ZMAT4: variants seen among roughly 807,000 people sequenced by gnomAD.
ZMAT4 encodes zinc finger matrin-type protein 4.
A neutral mutation model predicts 28.7 loss-of-function variants in ZMAT4; 17 were observed. That is an observed-to-expected ratio of 0.59 (90% confidence interval 0.41 to 0.89). ZMAT4 has a LOEUF of 0.89. Among genes scored for constraint, ZMAT4 ranks in the 40% least tolerant of loss-of-function variants. The pLI, the probability that ZMAT4 is intolerant of heterozygous loss-of-function variation, is 0.00. For synonymous variants in ZMAT4, 117 were observed against 109.2 expected (o/e 1.07, Z -0.44); for missense variants, 240 against 283.8 (o/e 0.85, Z 1.11).
At chr8:40,683,136 G>C (rs1030115881) in intron 4 of ZMAT4, among the ~76,000 whole-genome samples, 10 of 152,126 alleles carry the variant, frequency 6.6e-5, no homozygotes, top group African/African-American at 2.4e-4. Context: ...CCTGAATGAA[G>C]GGAGCAGCTT....
intron 2 of ZMAT4, chr8:40,786,562 T>A: frequency 1.7e-6 from 1 of 572,276 alleles, no homozygotes; most frequent in Non-Finnish European, 2.6e-6. Flanking sequence ...GGTTGAGTTA[T>A]TGCTACCAAA....
intron 6 of ZMAT4, 110 bp downstream of exon 6, chr8:40,581,055 A>G: frequency 1.2e-6 from 1 of 826,532 alleles, no homozygotes; most frequent in Non-Finnish European, 1.9e-6. Flanking sequence ...AGCAAAAGAG[A>G]TGTAATTTCC....
At chr8:40,597,176 A>T (rs1805133935) in intron 5 of ZMAT4, among the ~76,000 whole-genome samples, 1 of 152,204 alleles carries the variant, frequency 6.6e-6, no homozygotes, top group Non-Finnish European at 1.5e-5. Context: ...ACTATAGAAG[A>T]TAACTACTAT....
chr8:40,827,231 A>G (rs1816094143), intron 1 of ZMAT4, among the ~76,000 whole-genome samples: 1 of 152,180 alleles, frequency 6.6e-6, no homozygotes, highest in East Asian at 1.9e-4. Flanking sequence ...ATAAAAATTG[A>G]GATAATAATA....
chr8:40,861,614 C>A (rs746467462), intron 1 of ZMAT4, among the ~76,000 whole-genome samples: 14 of 152,140 alleles, frequency 9.2e-5, no homozygotes, highest in Non-Finnish European at 1.9e-4. Context: ...AAAGAAACTA[C>A]CATCAGAGTG....
At chr8:40,567,463 G>A (rs188052091) in intron 6 of ZMAT4, among the ~76,000 whole-genome samples, 2 of 152,172 alleles carry the variant, frequency 1.3e-5, no homozygotes, top group East Asian at 3.9e-4. Flanking sequence ...AGGCATGGTG[G>A]CTCACTCCTG....
intron 3 of ZMAT4, among the ~76,000 whole-genome samples, chr8:40,698,508 T>C (rs1809992264): frequency 6.6e-6 from 1 of 152,162 alleles, no homozygotes; most frequent in South Asian, 2.1e-4. Context: ...CAAGCTGGAA[T>C]GAGTATATGG....
rs1039755908 is a variant in ZMAT4, at chr8:40,531,496, C to T, written c.*727G>A. On this transcript the variant is annotated 3_prime_UTR_variant, in exon 7 of 7. Coordinates refer to ENST00000297737, the MANE Select transcript of ZMAT4 (RefSeq NM_024645.3). ...TCACCAAGGTCAAGGGCTGTGAAGACGTTTTTGCCTAAGAAGATCATCATG... is the reference window on the plus strand; with the variant it reads ...TCACCAAGGTCAAGGGCTGTGAAGATGTTTTTGCCTAAGAAGATCATCATG... 6.6e-6 allele frequency: 1 copy of T among 152,570 alleles called. No individual in the cohort carries two copies. Among genetic ancestry groups the T allele is most frequent in the Non-Finnish European group, 1.5e-5 (1 of 68,036 alleles). 9.5% of individuals were successfully genotyped at this position (152,570 alleles called of 1,614,324 possible). A position where few individuals can be genotyped will look rare whatever the true frequency, so the allele number is the denominator to read the frequency against.
intron 5 of ZMAT4, among the ~76,000 whole-genome samples, chr8:40,584,117 T>C (rs1006375852): frequency 1.5e-4 from 23 of 152,168 alleles, no homozygotes; most frequent in Admixed American, 1.2e-3. Flanking sequence ...CTTAGTGATT[T>C]TGGGGTCCTG....
intron 2 of ZMAT4, among the ~76,000 whole-genome samples, chr8:40,810,018 G>C (rs1815254060): frequency 6.6e-6 from 1 of 152,150 alleles, no homozygotes; most frequent in South Asian, 2.1e-4. Context: ...ACTCCAGCCT[G>C]TGTGACAAGA....
intron 5 of ZMAT4, among the ~76,000 whole-genome samples, chr8:40,590,385 G>C (rs1247586632): frequency 6.6e-6 from 1 of 151,552 alleles, no homozygotes; most frequent in Non-Finnish European, 1.5e-5. Flanking sequence ...AATTCTGCTT[G>C]TGTGGGTCCC....
At chr8:40,624,208 G>T (rs1172383946) in intron 5 of ZMAT4, among the ~76,000 whole-genome samples, 2 of 152,158 alleles carry the variant, frequency 1.3e-5, no homozygotes, top group Admixed American at 6.5e-5. Context: ...AGATCGCAAG[G>T]GTAGAGCTTC....
At chr8:40,816,488 C>CA (rs1012491976) in intron 2 of ZMAT4, among the ~76,000 whole-genome samples, 4 of 151,740 alleles carry the variant, frequency 2.6e-5, no homozygotes, top group Admixed American at 2.0e-4. Context: ...AACAAACAAA[C>CA]AAAAAAACCC....
chr8:40,813,142 T>C (rs929889275), intron 2 of ZMAT4, among the ~76,000 whole-genome samples: 3 of 152,014 alleles, frequency 2.0e-5, no homozygotes, highest in African/African-American at 7.2e-5. Flanking sequence ...TATAACCTTC[T>C]TGTAAATCTA....
chr8:40,834,270 C>T (rs1045172844), intron 1 of ZMAT4, among the ~76,000 whole-genome samples: 2 of 152,102 alleles, frequency 1.3e-5, no homozygotes, highest in Non-Finnish European at 2.9e-5. Flanking sequence ...GGTCCAACCT[C>T]CAAGGGCAGG....
chr8:40,567,454 G>A (rs1803956666), intron 6 of ZMAT4, among the ~76,000 whole-genome samples: 1 of 152,098 alleles, frequency 6.6e-6, no homozygotes, highest in African/African-American at 2.4e-5. Context: ...AGAAAAGCCA[G>A]GCATGGTGGC....
chr8:40,545,012 C>G (rs934271817), intron 6 of ZMAT4, among the ~76,000 whole-genome samples: 6 of 152,070 alleles, frequency 3.9e-5, no homozygotes. Flanking sequence ...CATCTTGTTC[C>G]TCTTTTGCCC....
chr8:40,746,098 T>G (rs1812203344), intron 3 of ZMAT4, among the ~76,000 whole-genome samples: 2 of 152,086 alleles, frequency 1.3e-5, no homozygotes, highest in South Asian at 4.1e-4. Flanking sequence ...CGTTCTCAAC[T>G]GCAGAGCTCA....
At chr8:40,784,261 G>T (rs1452965844) in intron 2 of ZMAT4, among the ~76,000 whole-genome samples, 1 of 152,022 alleles carries the variant, frequency 6.6e-6, no homozygotes, top group Non-Finnish European at 1.5e-5. Flanking sequence ...TGCAAACATA[G>T]CACAACATGA....
Sources: allele counts gnomAD v4.1 joint callset (sites outside exome capture counted in the v4.1 genomes callset), GRCh38; gene constraint gnomAD v4.1.1; transcripts MANE v1.5; gene names NCBI Gene and HGNC (gene_info 2026-07-23, HGNC 2026-07-21).